Variants in SGIP1 observed in about 807,000 individuals in gnomAD.
The protein encoded by SGIP1 is SH3-containing GRB2-like protein 3-interacting protein 1.
A neutral mutation model predicts 107.5 loss-of-function variants in SGIP1; 38 were observed. The ratio of observed to expected loss-of-function variants is 0.35; its 90% CI spans 0.27 to 0.46. SGIP1 has a LOEUF of 0.46. Ranked by LOEUF, SGIP1 falls within the 20% of genes least tolerant of loss-of-function variation. SGIP1 has a pLI of 1.00. For missense variants in SGIP1, 929 were observed against 1,019.5 expected (o/e 0.91, Z 1.21); for synonymous variants, 365 against 366.1 (o/e 1.00, Z 0.03).
At chr1:66,595,428 C>A (rs953721184) in intron 1 of SGIP1, among the ~76,000 whole-genome samples, 1 of 152,184 alleles carries the variant, frequency 6.6e-6, no homozygotes, top group Non-Finnish European at 1.5e-5. Context: ...ACAAAGAAGT[C>A]ATCAGTCCCT....
intron 1 of SGIP1, among the ~76,000 whole-genome samples, chr1:66,546,378 T>C (rs2056395991): frequency 6.6e-6 from 1 of 152,156 alleles, no homozygotes; most frequent in Non-Finnish European, 1.5e-5. Flanking sequence ...ACTTGCAAAA[T>C]AAGAAGATAC....
At chr1:66,572,304 T>A (rs2060488739) in intron 1 of SGIP1, among the ~76,000 whole-genome samples, 1 of 152,100 alleles carries the variant, frequency 6.6e-6, no homozygotes, top group Non-Finnish European at 1.5e-5. Flanking sequence ...ATGCTAATAT[T>A]TCACTTGTAA....
At chr1:66,597,905 T>C (rs1489542367) in intron 1 of SGIP1, among the ~76,000 whole-genome samples, 4 of 152,186 alleles carry the variant, frequency 2.6e-5, no homozygotes, top group African/African-American at 9.7e-5. Context: ...TTGAGTAATT[T>C]TGCATTAAAA....
At chr1:66,582,097 A>C (rs1247588634) in intron 1 of SGIP1, among the ~76,000 whole-genome samples, 1 of 151,996 alleles carries the variant, frequency 6.6e-6, no homozygotes, top group Non-Finnish European at 1.5e-5. Context: ...TCCACAGTCT[A>C]CTCAATGCAC....
chr1:66,616,719 G>T (rs1195428427), intron 1 of SGIP1, among the ~76,000 whole-genome samples: 3 of 152,064 alleles, frequency 2.0e-5, no homozygotes, highest in Non-Finnish European at 4.4e-5. Flanking sequence ...ATTAATATTG[G>T]CACAGCAAAC....
At chr1:66,626,141 T>C (rs199752626) in intron 2 of SGIP1, 234 of 157,456 alleles carry the variant, frequency 1.5e-3, no homozygotes, top group African/African-American at 6.1e-3. Flanking sequence ...TTCTTTCTTT[T>C]TTTTTTTTTT....
At chr1:66,705,592 A>G (rs1212157578) in intron 18 of SGIP1, among the ~76,000 whole-genome samples, 1 of 152,126 alleles carries the variant, frequency 6.6e-6, no homozygotes, top group Non-Finnish European at 1.5e-5. Flanking sequence ...AGCAGCTCAA[A>G]TAGCAGGCTT....
chr1:66,590,662 C>T (rs960705444), intron 1 of SGIP1: 5 of 152,120 alleles, frequency 3.3e-5, no homozygotes, highest in African/African-American at 1.2e-4. Flanking sequence ...AGTGCTAAAA[C>T]GAAATGAGCT....
At chr1:66,570,295 G>A (rs2060211397) in intron 1 of SGIP1, among the ~76,000 whole-genome samples, 1 of 151,804 alleles carries the variant, frequency 6.6e-6, no homozygotes, top group Admixed American at 6.6e-5. Flanking sequence ...CCCCTGTTTT[G>A]TTTGGAAGTG....
At chr1:66,537,982 G>A (rs111892800) in intron 1 of SGIP1, among the ~76,000 whole-genome samples, 25 of 152,168 alleles carry the variant, frequency 1.6e-4, no homozygotes, top group African/African-American at 5.8e-4. Flanking sequence ...GCCTTTGGTT[G>A]CATATTCTGT....
chr1:66,582,261 T>A (rs968879135), intron 1 of SGIP1, among the ~76,000 whole-genome samples: 4 of 152,110 alleles, frequency 2.6e-5, no homozygotes, highest in Admixed American at 2.6e-4. Context: ...ATGTAAAACA[T>A]TATTTGTATA....
At chr1:66,574,260 C>T (rs1212161360) in intron 1 of SGIP1, among the ~76,000 whole-genome samples, 2 of 152,092 alleles carry the variant, frequency 1.3e-5, no homozygotes, top group South Asian at 4.1e-4. Context: ...CATATCACTT[C>T]CACTCAAGTT....
chr1:66,602,007 A>G lies in SGIP1; in HGVS notation c.11-23840A>G, dbSNP rs146303980. 2.3e-3 allele frequency among the ~76,000 whole-genome samples: 343 copies of G among 152,344 alleles called. 3 individuals are homozygous for G. The highest frequency in any genetic ancestry group is 7.8e-3 in the African/African-American group (325 of 41,592). On this transcript the variant is annotated intron_variant, in intron 1 of 24. Transcript: ENST00000371037. ...ACCTTTCTGATGCAATGTCCCAAAC[A>G]TATCTGCCTAATTCCTTTACATACA... is the stretch of plus-strand genomic sequence containing the variant.
intron 12 of SGIP1, 31 bp downstream of exon 12, chr1:66,673,397 T>C: frequency 1.3e-6 from 2 of 1,544,124 alleles, no homozygotes; most frequent in African/African-American, 1.4e-5. Context: ...TATTATAGAT[T>C]TGTTTTTTCT....
intron 1 of SGIP1, among the ~76,000 whole-genome samples, chr1:66,545,150 AT>A (rs912821920): frequency 3.3e-5 from 5 of 152,084 alleles, no homozygotes; most frequent in African/African-American, 1.2e-4. Context: ...AAAGACATCA[AT>A]TTCCTCATCT....
intron 1 of SGIP1, among the ~76,000 whole-genome samples, chr1:66,616,281 A>G (rs941592492): frequency 1.3e-5 from 2 of 152,086 alleles, no homozygotes; most frequent in African/African-American, 4.8e-5. Context: ...TTTTGATGTC[A>G]TATTTTATTT....
intron 4 of SGIP1, among the ~76,000 whole-genome samples, chr1:66,639,147 A>T (rs1197475720): frequency 6.6e-6 from 1 of 152,232 alleles, no homozygotes; most frequent in Non-Finnish European, 1.5e-5. Context: ...CACAGATCAC[A>T]TGGGTGACAA....
intron 17 of SGIP1, chr1:66,695,134 C>A (rs925697480): frequency 2.1e-6 from 1 of 473,522 alleles, no homozygotes; most frequent in Non-Finnish European, 3.6e-6. Flanking sequence ...ATGCTGACGC[C>A]CCTGCATGGC....
At chr1:66,561,907 A>G (rs2059003981) in intron 1 of SGIP1, among the ~76,000 whole-genome samples, 1 of 152,030 alleles carries the variant, frequency 6.6e-6, no homozygotes, top group East Asian at 1.9e-4. Context: ...AAGTCCACAA[A>G]CAAGACCAGT....
Sources: gnomAD v4.1 joint callset for allele counts (sites outside exome capture counted in the v4.1 genomes callset) on GRCh38, gnomAD v4.1.1 for gene constraint, MANE v1.5 for transcripts, NCBI Gene and HGNC (gene_info 2026-07-23, HGNC 2026-07-21) for gene names.